The following BLMH variants were observed in gnomAD, a reference collection of about 807,000 sequenced individuals.
The protein encoded by BLMH is bleomycin hydrolase, also known as BLM hydrolase.
BLMH carries 32 observed loss-of-function variants against 61.6 expected under a neutral mutation model. The observed-to-expected ratio is 0.52, with a 90% confidence interval of 0.39 to 0.70. BLMH has a LOEUF of 0.70. Ranked by LOEUF, BLMH falls within the 30% of genes least tolerant of loss-of-function variation. BLMH has a pLI of 0.00. For synonymous variants in BLMH, 183 were observed against 193.8 expected (o/e 0.94, Z 0.46); for missense variants, 460 against 555.5 (o/e 0.83, Z 1.73).
chr17:30,274,184 A>G lies in BLMH; in HGVS notation c.659T>C (p.Val220Ala). The G allele has an allele frequency of 6.2e-7, 1 of 1,614,000 alleles. No individual in the cohort carries two copies. Among genetic ancestry groups the G allele is most frequent in the Non-Finnish European group, 8.5e-7 (1 of 1,180,002 alleles). Reference sequence around the variant, plus strand: ...TGGTGGATTACCCAAACAGATGCACACCACTCGGAATATCTGGAAGAGAGG... The same window carrying G: ...TGGTGGATTACCCAAACAGATGCACGCCACTCGGAATATCTGGAAGAGAGG... ...DVMMEEIFRV[V>A]CICLGNPPET... Residue 220 changes from valine (V) to alanine (A), a missense_variant, in exon 7 of 12, where the codon GTG becomes GCG. Transcript: ENST00000261714.
At chr17:30,277,527 T>C (rs566125607) in intron 6 of BLMH, among the ~76,000 whole-genome samples, 1 of 152,344 alleles carries the variant, frequency 6.6e-6, no homozygotes, top group South Asian at 2.1e-4. Context: ...TGTATCTACA[T>C]GTAGTAGTGG....
At chr17:30,281,068 T>G (rs1320008792) in intron 6 of BLMH, among the ~76,000 whole-genome samples, 3 of 148,910 alleles carry the variant, frequency 2.0e-5, no homozygotes, top group Non-Finnish European at 4.5e-5. Context: ...AGATCTGTGT[T>G]TTTTTTTTTG....
chr17:30,249,349 G>A, intron 11 of BLMH, 181 bp from the exon 12 acceptor site: 2 of 687,902 alleles, frequency 2.9e-6, no homozygotes, highest in South Asian at 4.1e-5. Flanking sequence ...GGACAGGCAT[G>A]GCTCTATTTT....
chr17:30,250,540 C>T (rs374389955), intron 11 of BLMH, among the ~76,000 whole-genome samples: 49 of 152,142 alleles, frequency 3.2e-4, no homozygotes, highest in Non-Finnish European at 6.0e-4. Context: ...AATGTGATAC[C>T]ACCTTACTCC....
At chr17:30,273,944 G>T in intron 7 of BLMH, 98 bp downstream of exon 7, 1 of 1,423,394 alleles carries the variant, frequency 7.0e-7, no homozygotes. Context: ...TGTCTAGTTT[G>T]ATACTCATAC....
At chr17:30,269,796 AGCATTAAGACT>A (rs1204363722) in intron 10 of BLMH, among the ~76,000 whole-genome samples, 1 of 152,218 alleles carries the variant, frequency 6.6e-6, no homozygotes, top group African/African-American at 2.4e-5. Context: ...CAGGAGTATC[AGCATTAAGACT>A]GCCTCTTAAG....
intron 11 of BLMH, among the ~76,000 whole-genome samples, chr17:30,259,532 C>G (rs751190517): frequency 8.6e-5 from 13 of 152,042 alleles, no homozygotes; most frequent in Non-Finnish European, 1.9e-4. Flanking sequence ...CTCCCTAGTT[C>G]TTCTTCTGTT....
intron 10 of BLMH, among the ~76,000 whole-genome samples, 174 bp from the exon 11 acceptor site, chr17:30,267,128 C>T (rs1908134730): frequency 6.6e-6 from 1 of 151,986 alleles, no homozygotes; most frequent in South Asian, 2.1e-4. Flanking sequence ...TATATATTTC[C>T]TACGATCACT....
In BLMH at chr17:30,266,298, C is replaced by T. The variant is rs189436414; in HGVS notation, c.1216+587G>A. On this transcript the variant is annotated intron_variant, in intron 11 of 11. Coordinates refer to ENST00000261714, the MANE Select transcript of BLMH (RefSeq NM_000386.4). ...ATCCTAGCACTTTGGGAGGCCGAGG[C>T]GGGCGGATCACGAGGTCAGGAAATC... 4.6e-5 allele frequency among the ~76,000 whole-genome samples: 7 copies of T among 151,996 alleles called. No individual in the cohort carries two copies. The South Asian group carries it at 1.2e-3, about 27-fold the overall frequency.
intron 2 of BLMH, 39 bp from the exon 3 acceptor site, chr17:30,289,521 A>C: frequency 6.9e-7 from 1 of 1,444,156 alleles, no homozygotes; most frequent in Non-Finnish European, 9.6e-7. Flanking sequence ...ATGAGGGTTC[A>C]CATAGACTGC....
At chr17:30,260,606 G>A (rs972036198) in intron 11 of BLMH, among the ~76,000 whole-genome samples, 8 of 152,146 alleles carry the variant, frequency 5.3e-5, no homozygotes, top group South Asian at 2.1e-4. Context: ...AGGGCCGGGC[G>A]TGATGGCTCA....
At chr17:30,290,655 T>C (rs1328301676) in intron 2 of BLMH, among the ~76,000 whole-genome samples, 1 of 152,250 alleles carries the variant, frequency 6.6e-6, no homozygotes, top group Non-Finnish European at 1.5e-5. Flanking sequence ...TACAATTTTG[T>C]TGTGAGAATG....
At chr17:30,259,226 C>T (rs1239087516) in intron 11 of BLMH, among the ~76,000 whole-genome samples, 1 of 152,150 alleles carries the variant, frequency 6.6e-6, no homozygotes, top group East Asian at 1.9e-4. Context: ...CTTGCAACCC[C>T]ACTATACATA....
At position 30,289,372 on chromosome 17, in the gene BLMH, C is replaced by T; in HGVS notation, c.321+1G>A. 1 of 1,585,082 alleles carries T rather than the reference C, an allele frequency of 6.3e-7. No individual in the cohort carries two copies. The highest frequency in any genetic ancestry group is 8.7e-7 in the Non-Finnish European group (1 of 1,155,438). On this transcript the variant is annotated splice_donor_variant, in intron 3 of 11. Transcript: ENST00000261714. LOFTEE classifies it high-confidence loss of function. The stretch of plus-strand genomic sequence containing the variant: ...AGAATCTTGCCAGATCTGTCCCATA[C>T]CTTGTCCCAAAAAAACAGGTAAGAT...
At chr17:30,254,594 G>GA (rs989637359) in intron 11 of BLMH, among the ~76,000 whole-genome samples, 1 of 151,530 alleles carries the variant, frequency 6.6e-6, no homozygotes, top group African/African-American at 2.4e-5. Context: ...AGATGCACAT[G>GA]AAAAAAAACC....
chr17:30,289,498 A>G lies in BLMH; in HGVS notation c.212-16T>C, dbSNP rs377403197. On this transcript the variant is annotated splice_polypyrimidine_tract_variant and intron_variant, in intron 2 of 11. Transcript: ENST00000261714. ...CAGCATCGCCCTGAAACAAGAAAGC[A>G]CATCAAGAAATTATGAGGGTTCACA... 180 of 1,585,798 alleles carry G rather than the reference A, an allele frequency of 1.1e-4. No individual in the cohort carries two copies. The highest frequency in any genetic ancestry group is 1.5e-4 in the Non-Finnish European group (179 of 1,159,236).
chr17:30,290,950 T>C (rs1029225571), intron 2 of BLMH: 1 of 230,642 alleles, frequency 4.3e-6, no homozygotes, highest in African/African-American at 2.2e-5. Context: ...AGGGCATTTC[T>C]GGGGAGTCCT....
intron 7 of BLMH, 94 bp from the exon 8 acceptor site, chr17:30,272,993 A>C: frequency 1.0e-3 from 1,428 of 1,363,256 alleles, no homozygotes; most frequent in Non-Finnish European, 1.3e-3. Context: ...CATCAAGCTC[A>C]TCATCTCTGC....
intron 6 of BLMH, among the ~76,000 whole-genome samples, chr17:30,282,073 T>C (rs762493858): frequency 1.2e-4 from 18 of 152,128 alleles, no homozygotes; most frequent in Non-Finnish European, 2.6e-4. Context: ...TCGATTGATT[T>C]TAGAAATGAG....
Sources: gnomAD v4.1 joint callset for allele counts (sites outside exome capture counted in the v4.1 genomes callset) on GRCh38, gnomAD v4.1.1 for gene constraint, MANE v1.5 for transcripts, NCBI Gene and HGNC (gene_info 2026-07-23, HGNC 2026-07-21) for gene names.